Variants in KIF26B observed in about 807,000 individuals in gnomAD.
The protein encoded by KIF26B is kinesin family member 26B, also known as kinesin-like protein KIF26B.
In KIF26B, 63 loss-of-function variants were observed where a neutral mutation model predicts 151.2. The ratio of observed to expected loss-of-function variants is 0.42; its 90% CI spans 0.34 to 0.51. The LOEUF (loss-of-function observed/expected upper bound fraction) is 0.51. KIF26B is among the 20% of genes least tolerant of loss of function. The pLI is 0.07. For missense variants in KIF26B, 2,813 were observed against 2,913.6 expected, an observed-to-expected ratio of 0.97 and a Z score of 0.79; for synonymous variants, 1,357 against 1,262.1, an observed-to-expected ratio of 1.08 and a Z score of -1.59.
At chr1:245,603,891 T>A (rs748050011) in intron 6 of KIF26B, among the ~76,000 whole-genome samples, 5 of 152,074 alleles carry the variant, frequency 3.3e-5, no homozygotes, top group African/African-American at 7.2e-5. Flanking sequence ...ACTATGAGCA[T>A]AATTGGGAGG....
Position 245,572,530 on chromosome 1 carries a change from G to A in KIF26B, c.1351-30047G>A, listed in dbSNP as rs1257801639. ...CCATCACTGACCTCAGGACCCTCCC[G>A]GTGAACACTCAGTTAAAATTCCTAC... On this transcript the variant is annotated intron_variant, in intron 5 of 14. Coordinates refer to ENST00000407071, the MANE Select transcript of KIF26B (RefSeq NM_018012.4). This position sits in a 1 kb window ranked among gnomAD's most constrained non-coding sequence, Gnocchi z 4.2. Among the ~76,000 whole-genome samples, 4 of 152,142 alleles carry A rather than the reference G, an allele frequency of 2.6e-5. No homozygotes were observed. The highest frequency in any genetic ancestry group is 7.2e-5 in the African/African-American group (3 of 41,506).
intron 2 of KIF26B, among the ~76,000 whole-genome samples, chr1:245,264,383 T>A (rs973080317): frequency 6.6e-6 from 1 of 152,212 alleles, no homozygotes; most frequent in African/African-American, 2.4e-5. Context: ...TATTGGTATC[T>A]CTAATAGTTG....
intron 2 of KIF26B, among the ~76,000 whole-genome samples, chr1:245,341,584 A>C (rs190704447): frequency 1.2e-4 from 19 of 152,288 alleles, no homozygotes; most frequent in Non-Finnish European, 2.4e-4. Context: ...GGCGTCCCAA[A>C]GTGCTGGGAT....
intron 5 of KIF26B, among the ~76,000 whole-genome samples, chr1:245,594,654 C>G (rs2043321900): frequency 1.3e-5 from 2 of 152,088 alleles, no homozygotes; most frequent in Non-Finnish European, 2.9e-5. Flanking sequence ...TATATGGGCT[C>G]TTTTTTGGTT....
chr1:245,554,299 C>T (rs1661965758), intron 5 of KIF26B, among the ~76,000 whole-genome samples: 1 of 152,176 alleles, frequency 6.6e-6, no homozygotes, highest in Non-Finnish European at 1.5e-5. Flanking sequence ...AGCCATATGT[C>T]AGACAGACAG....
At chr1:245,362,950 T>C (rs1035950061) in intron 2 of KIF26B, among the ~76,000 whole-genome samples, 1 of 152,200 alleles carries the variant, frequency 6.6e-6, no homozygotes, top group African/African-American at 2.4e-5. Context: ...AAGTTCACCT[T>C]GTGGGTGGGC....
intron 5 of KIF26B, among the ~76,000 whole-genome samples, chr1:245,592,094 C>G (rs112330671): frequency 1.3e-5 from 2 of 152,234 alleles, no homozygotes; most frequent in East Asian, 3.9e-4. Context: ...TCCATTCTCC[C>G]GTCCTGCACA....
At chr1:245,490,522 G>A (rs958655529) in intron 4 of KIF26B, among the ~76,000 whole-genome samples, 6 of 151,774 alleles carry the variant, frequency 4.0e-5, no homozygotes, top group African/African-American at 1.2e-4. Flanking sequence ...CATGTTGGCT[G>A]GGATGGTCTC....
intron 2 of KIF26B, among the ~76,000 whole-genome samples, chr1:245,317,569 C>T (rs529092571): frequency 2.6e-5 from 4 of 152,310 alleles, no homozygotes; most frequent in Admixed American, 6.5e-5. Flanking sequence ...AGCTGCATGC[C>T]GCTGAATGAT....
In KIF26B at chr1:245,572,291, G is replaced by A. The variant is rs2043073189; in HGVS notation, c.1351-30286G>A. On this transcript the variant is annotated intron_variant, in intron 5 of 14. Transcript: ENST00000407071. The surrounding 1 kb of genome is among the most constrained non-coding windows in gnomAD (Gnocchi z 4.2). ...AGGGTTGTGATCCCTTTTGGAGACA[G>A]AAGGAGGTAGACGTGCTTTTGTGTT... is the stretch of plus-strand genomic sequence containing the variant. Among the ~76,000 whole-genome samples, 1 of 152,180 alleles carries A rather than the reference G, an allele frequency of 6.6e-6. No homozygotes were observed. The highest frequency in any genetic ancestry group is 1.5e-5 in the Non-Finnish European group (1 of 68,040).
At chr1:245,631,921 A>T (rs1044654476) in intron 9 of KIF26B, among the ~76,000 whole-genome samples, 1 of 151,368 alleles carries the variant, frequency 6.6e-6, no homozygotes, top group African/African-American at 2.4e-5. Flanking sequence ...TTCATTTCTC[A>T]TTTTTTAAAA....
At chr1:245,541,176 GA>G (rs1335157732) in intron 5 of KIF26B, among the ~76,000 whole-genome samples, 1 of 152,160 alleles carries the variant, frequency 6.6e-6, no homozygotes, top group African/African-American at 2.4e-5. Context: ...CTTTTGGTGG[GA>G]AAAATCAGCT....
intron 9 of KIF26B, among the ~76,000 whole-genome samples, chr1:245,622,492 C>T (rs755388983): frequency 7.2e-5 from 11 of 152,316 alleles, no homozygotes; most frequent in Non-Finnish European, 1.2e-4. Context: ...TCTGCAGACG[C>T]GTGGATGCCT....
At chr1:245,219,410 C>T (rs918559576) in intron 2 of KIF26B, among the ~76,000 whole-genome samples, 14 of 151,906 alleles carry the variant, frequency 9.2e-5, no homozygotes, top group Non-Finnish European at 1.8e-4. Flanking sequence ...CGAGCCACTG[C>T]GCCTAGTCTG....
chr1:245,312,462 C>G (rs924912348), intron 2 of KIF26B, among the ~76,000 whole-genome samples: 1 of 151,954 alleles, frequency 6.6e-6, no homozygotes, highest in Admixed American at 6.6e-5. Context: ...TGTGTGTATG[C>G]GAGAGGAGGG....
intron 9 of KIF26B, among the ~76,000 whole-genome samples, chr1:245,615,902 A>G (rs1206802008): frequency 6.6e-6 from 1 of 152,142 alleles, no homozygotes; most frequent in Non-Finnish European, 1.5e-5. Flanking sequence ...TTAAAATGGA[A>G]ATTTTGTTTA....
At chr1:245,586,066 A>G (rs1375769523) in intron 5 of KIF26B, among the ~76,000 whole-genome samples, 6 of 152,106 alleles carry the variant, frequency 3.9e-5, no homozygotes, top group Non-Finnish European at 4.4e-5. Context: ...GTGTGATCAT[A>G]GCTCACTATA....
At chr1:245,340,211 G>A (rs1437405367) in intron 2 of KIF26B, among the ~76,000 whole-genome samples, 2 of 152,168 alleles carry the variant, frequency 1.3e-5, no homozygotes, top group Non-Finnish European at 2.9e-5. Flanking sequence ...CAAGTCCCTG[G>A]TATAAAATGT....
chr1:245,603,905 C>T (rs143772119), intron 6 of KIF26B, among the ~76,000 whole-genome samples: 22 of 152,264 alleles, frequency 1.4e-4, no homozygotes, highest in Middle Eastern at 6.8e-3. Context: ...TGGGAGGCTA[C>T]TTGGGGGCCC....
Sources: allele counts gnomAD v4.1 joint callset (sites outside exome capture counted in the v4.1 genomes callset), GRCh38; gene constraint gnomAD v4.1.1; non-coding constraint Gnocchi (gnomAD v3.1); transcripts MANE v1.5; gene names NCBI Gene and HGNC (gene_info 2026-07-23, HGNC 2026-07-21).